Variants in GALNT2 observed in about 807,000 individuals in gnomAD.
GALNT2 encodes UDP-GalNAc:polypeptide N-acetylgalactosaminyltransferase 2.
GALNT2 carries 31 observed loss-of-function variants against 81.4 expected under a neutral mutation model. The ratio of observed to expected loss-of-function variants is 0.38; its 90% CI spans 0.29 to 0.51. GALNT2 has a LOEUF of 0.51. GALNT2 is among the 20% of genes least tolerant of loss of function. The pLI, the probability that GALNT2 is intolerant of heterozygous loss-of-function variation, is 0.87. For synonymous variants in GALNT2, 303 were observed against 287.4 expected (o/e 1.05, Z -0.55); for missense variants, 629 against 765.7 (o/e 0.82, Z 2.11).
chr1:230,079,030 C>T (rs1162977866), intron 1 of GALNT2, among the ~76,000 whole-genome samples: 2 of 152,198 alleles, frequency 1.3e-5, no homozygotes, highest in African/African-American at 2.4e-5. Flanking sequence ...TCTTTATGTT[C>T]AGTCTTTCTG....
intron 1 of GALNT2, among the ~76,000 whole-genome samples, chr1:230,131,686 A>G (rs552201667): frequency 4.2e-4 from 64 of 152,292 alleles, no homozygotes; most frequent in Admixed American, 5.2e-4. Flanking sequence ...CGGTTTGGTA[A>G]CAAGCCCTGG....
intron 1 of GALNT2, among the ~76,000 whole-genome samples, chr1:230,059,752 A>G (rs1034327863): frequency 1.3e-5 from 2 of 152,216 alleles, no homozygotes; most frequent in Non-Finnish European, 2.9e-5. Context: ...TCCTTTACCC[A>G]GACTCGCCAT....
chr1:230,068,869 C>T (rs1182376607), intron 1 of GALNT2, among the ~76,000 whole-genome samples: 2 of 152,202 alleles, frequency 1.3e-5, no homozygotes, highest in Middle Eastern at 3.2e-3. Flanking sequence ...TACGCGAAGA[C>T]TTGGTTTATT....
intron 1 of GALNT2, among the ~76,000 whole-genome samples, chr1:230,161,204 C>T (rs1012774600): frequency 3.3e-5 from 5 of 152,194 alleles, no homozygotes; most frequent in Non-Finnish European, 7.3e-5. Flanking sequence ...GTGATAGCAG[C>T]GTTGGCTGGC....
At chr1:230,203,376 C>T (rs1448491229) in intron 3 of GALNT2, 86 bp downstream of exon 3, 1 of 1,428,368 alleles carries the variant, frequency 7.0e-7, no homozygotes, top group Non-Finnish European at 9.7e-7. Flanking sequence ...ACTAGAACTT[C>T]TCCATTACTC....
At chr1:230,179,977 T>G (rs1558126921) in intron 2 of GALNT2, among the ~76,000 whole-genome samples, 3 of 152,238 alleles carry the variant, frequency 2.0e-5, no homozygotes, top group African/African-American at 7.2e-5. Flanking sequence ...TGGAGTGCAG[T>G]GGTGAAATCT....
intron 3 of GALNT2, among the ~76,000 whole-genome samples, chr1:230,222,407 G>A (rs1410488401): frequency 2.6e-5 from 4 of 152,052 alleles, no homozygotes; most frequent in African/African-American, 9.7e-5. Context: ...GTTTCTGAGT[G>A]CAGCTTTGGC....
At chr1:230,239,195 T>G (rs1346975242) in intron 6 of GALNT2, among the ~76,000 whole-genome samples, 1 of 152,242 alleles carries the variant, frequency 6.6e-6, no homozygotes, top group East Asian at 1.9e-4. Context: ...TCTTATTTTC[T>G]TTATCTGTCT....
At position 230,280,163 on chromosome 1, in the gene GALNT2, AGGGGCCAGAGCCCGGT is replaced by A. The variant is rs762642821; in HGVS notation, c.*714_*729del. 2.1e-5 allele frequency: 8 copies of A among 377,420 alleles called. No homozygotes were observed. The highest frequency in any genetic ancestry group is 4.2e-5 in the Non-Finnish European group (8 of 188,712). The allele number at this position is 377,420 out of a possible 1,614,324, so 23.4% of individuals were successfully genotyped here. ...AAAGCCGTTCGCAGCTTCCGGGAGA[AGGGGCCAGAGCCCGGT>A]GGGGCCAGTTTCTCACAGAGGGAGG... On this transcript the variant is annotated 3_prime_UTR_variant, in exon 16 of 16. Coordinates refer to ENST00000366672, the MANE Select transcript of GALNT2 (RefSeq NM_004481.5).
chr1:230,125,944 G>A (rs910019945), intron 1 of GALNT2, among the ~76,000 whole-genome samples: 4 of 152,206 alleles, frequency 2.6e-5, no homozygotes, highest in African/African-American at 9.6e-5. Context: ...ATATACGAAG[G>A]AAGGTGGCTC....
At chr1:230,192,361 A>G (rs1663555892) in intron 2 of GALNT2, among the ~76,000 whole-genome samples, 1 of 152,204 alleles carries the variant, frequency 6.6e-6, no homozygotes, top group Non-Finnish European at 1.5e-5. Flanking sequence ...TATGGTGTGG[A>G]CAAGGTCTTG....
At chr1:230,230,591 C>G (rs79731394) in intron 3 of GALNT2, among the ~76,000 whole-genome samples, 8,387 of 152,286 alleles carry the variant, frequency 0.055, 264 homozygotes, top group Non-Finnish European at 0.065. Flanking sequence ...GTGCCTGCCT[C>G]CTTCAGGGAG....
Position 230,279,258 on chromosome 1 carries a change from C to CACGAATCTG in GALNT2, c.1561-45_1561-44insACGAATCTG. The CACGAATCTG allele has an allele frequency of 6.3e-7, 1 of 1,583,930 alleles. No homozygotes were observed. Among genetic ancestry groups the CACGAATCTG allele is most frequent in the Non-Finnish European group, 8.6e-7 (1 of 1,159,934 alleles). ...AATTCACACGAATCTGTTTGTACTC[C>CACGAATCTG]TTTGCTTGTGCCCACACTCTAAGGC... On this transcript the variant is annotated intron_variant, in intron 15 of 15. Transcript: ENST00000366672. This position sits in a 1 kb window ranked among gnomAD's most constrained non-coding sequence, Gnocchi z 4.6.
intron 3 of GALNT2, among the ~76,000 whole-genome samples, chr1:230,204,512 G>T (rs73114030): frequency 0.28 from 42,596 of 152,008 alleles, 5,999 homozygotes; most frequent in African/African-American, 0.32. Flanking sequence ...GTACTTTGGG[G>T]TCTATGAAGC....
At chr1:230,111,139 G>GTGCATGCGGCACATGCA (rs1558088614) in intron 1 of GALNT2, among the ~76,000 whole-genome samples, 6 of 152,040 alleles carry the variant, frequency 3.9e-5, no homozygotes, top group African/African-American at 1.5e-4. Flanking sequence ...TGGCACATGC[G>GTGCATGCGGCACATGCA]TATCTGTGCA....
At chr1:230,091,240 TA>T (rs1375862483) in intron 1 of GALNT2, among the ~76,000 whole-genome samples, 4 of 119,558 alleles carry the variant, frequency 3.3e-5, no homozygotes, top group South Asian at 5.8e-4. Flanking sequence ...TAATTTTTTG[TA>T]TTTTTTTTTT....
At chr1:230,113,889 A>T (rs543388000) in intron 1 of GALNT2, among the ~76,000 whole-genome samples, 1 of 151,980 alleles carries the variant, frequency 6.6e-6, no homozygotes, top group Non-Finnish European at 1.5e-5. Flanking sequence ...GCTCAGGGCA[A>T]GTCATTGGAT....
chr1:230,094,465 CT>C (rs1211641056), intron 1 of GALNT2, among the ~76,000 whole-genome samples: 3 of 152,050 alleles, frequency 2.0e-5, no homozygotes, highest in South Asian at 4.2e-4. Flanking sequence ...TGAAACCCCC[CT>C]CTCTACTAAA....
intron 15 of GALNT2, among the ~76,000 whole-genome samples, chr1:230,276,530 G>C (rs1190099332): frequency 6.6e-6 from 1 of 152,096 alleles, no homozygotes; most frequent in African/African-American, 2.4e-5. Context: ...GAGTCATCTG[G>C]GAAGACCAAG....
Sources: allele counts gnomAD v4.1 joint callset (sites outside exome capture counted in the v4.1 genomes callset), GRCh38; gene constraint gnomAD v4.1.1; non-coding constraint Gnocchi (gnomAD v3.1); transcripts MANE v1.5; gene names NCBI Gene and HGNC (gene_info 2026-07-23, HGNC 2026-07-21).